FMN1: variants seen among roughly 807,000 people sequenced by gnomAD.
The protein encoded by FMN1 is formin-1.
Under a neutral mutation model 132.4 loss-of-function variants are expected in FMN1, and 110 were observed. The observed-to-expected ratio is 0.83, with a 90% CI of 0.71 to 0.97. FMN1 has a LOEUF of 0.97. Ranked by LOEUF, FMN1 falls within the 50% of genes least tolerant of loss-of-function variation. The pLI is 0.00. For missense variants in FMN1, 1,792 were observed against 1,705.3 expected, an observed-to-expected ratio of 1.05 and a Z score of -0.90; for synonymous variants, 722 against 651.7, an observed-to-expected ratio of 1.11 and a Z score of -1.64.
intron 5 of FMN1, among the ~76,000 whole-genome samples, chr15:33,076,789 T>C (rs906351275): frequency 1.3e-5 from 2 of 152,210 alleles, no homozygotes; most frequent in Admixed American, 1.3e-4. Flanking sequence ...ATAACAGTTT[T>C]CTTTCCTACT....
intron 6 of FMN1, among the ~76,000 whole-genome samples, chr15:33,059,258 G>GTA (rs34298669): frequency 0.14 from 20,657 of 152,080 alleles, 1,607 homozygotes; most frequent in Middle Eastern, 0.23. Flanking sequence ...GTATTCCATT[G>GTA]TATATATATA....
At chr15:32,907,454 G>A (rs1165117018) in intron 12 of FMN1, among the ~76,000 whole-genome samples, 1 of 152,134 alleles carries the variant, frequency 6.6e-6, no homozygotes, top group East Asian at 1.9e-4. Flanking sequence ...CGGAGCTCAG[G>A]TGGTAATGCC....
intron 4 of FMN1, among the ~76,000 whole-genome samples, chr15:33,102,454 G>A (rs1466835424): frequency 6.6e-6 from 1 of 152,070 alleles, no homozygotes; most frequent in Admixed American, 6.6e-5. Flanking sequence ...TGTTCCATCA[G>A]GTAGAAGGTG....
intron 14 of FMN1, chr15:32,899,708 T>C (rs1034712394): frequency 1.7e-5 from 8 of 476,904 alleles, no homozygotes; most frequent in Non-Finnish European, 3.0e-5. Flanking sequence ...TCTCACTGAG[T>C]AGCAGTTCAA....
Position 33,153,613 on chromosome 15 carries a change from AG to A in FMN1, c.1301del (p.Pro434LeufsTer45), listed in dbSNP as rs1329981821. The stretch of plus-strand genomic sequence containing the variant: ...CAGGGAAGCCCAGTCTTTTCCCCTC[AG>A]GGGCTTCATCTAACTTCTCACTCTC... ...VIESEKLDEA[P>X]EGKRLGFPVH... is the part of the protein sequence containing the mutation. On this transcript the variant is annotated frameshift_variant, in exon 4 of 21. Transcript: ENST00000616417. LOFTEE classifies it high-confidence loss of function. The A allele has an allele frequency of 6.5e-7, 1 of 1,536,114 alleles. No homozygotes were observed. The highest frequency in any genetic ancestry group is 1.4e-5 in the African/African-American group (1 of 73,046).
intron 4 of FMN1, chr15:33,151,086 G>A (rs1964419786): frequency 1.1e-5 from 15 of 1,329,712 alleles, no homozygotes; most frequent in Non-Finnish European, 1.3e-5. Flanking sequence ...ACAGCGACAG[G>A]AAAGGGAAAA....
At chr15:32,928,101 C>A (rs185488420) in intron 9 of FMN1, among the ~76,000 whole-genome samples, 1 of 151,890 alleles carries the variant, frequency 6.6e-6, no homozygotes, top group African/African-American at 2.4e-5. Flanking sequence ...ATATTTTTTT[C>A]CTTTACCTGT....
intron 7 of FMN1, among the ~76,000 whole-genome samples, chr15:32,981,909 C>CTT (rs905247412): frequency 6.6e-6 from 1 of 152,078 alleles, no homozygotes; most frequent in Admixed American, 6.5e-5. Flanking sequence ...TAGACAGACC[C>CTT]TTTCACAATT....
At chr15:32,925,734 A>C (rs375875970) in intron 10 of FMN1, among the ~76,000 whole-genome samples, 2 of 152,288 alleles carry the variant, frequency 1.3e-5, no homozygotes, top group South Asian at 4.2e-4. Context: ...CTTTGAAGGA[A>C]GGATAATGGC....
chr15:32,988,049 G>GTTTTT lies in FMN1; in HGVS notation c.2224-18577_2224-18573dup, dbSNP rs10573409. The stretch of plus-strand genomic sequence containing the variant: ...TGACAGCTGGCAGCCTGTCTCTCCA[G>GTTTTT]TTTTTTTTTTTTTTTTTTTTTCTTT... On this transcript the variant is annotated intron_variant, in intron 7 of 20. Coordinates refer to ENST00000616417, the MANE Select transcript of FMN1 (RefSeq NM_001277313.2). 1.6e-3 allele frequency among the ~76,000 whole-genome samples: 194 copies of GTTTTT among 118,160 alleles called. 6 individuals carry two copies. The highest frequency in any genetic ancestry group is 9.2e-3 in the Middle Eastern group (2 of 218). The allele number at this position is 118,160 out of a possible 152,430, so 77.5% of individuals were successfully genotyped here. A position where few individuals can be genotyped will look rare whatever the true frequency, so the allele number is the denominator to read the frequency against.
chr15:33,123,476 A>C (rs543580755), intron 4 of FMN1, among the ~76,000 whole-genome samples: 11 of 152,208 alleles, frequency 7.2e-5, no homozygotes, highest in Non-Finnish European at 1.0e-4. Flanking sequence ...AGTTCCCCAA[A>C]GTAGTATCAT....
intron 16 of FMN1, among the ~76,000 whole-genome samples, chr15:32,883,620 A>G (rs509083): frequency 0.27 from 40,376 of 150,268 alleles, 6,094 homozygotes; most frequent in African/African-American, 0.42. Flanking sequence ...ACGTTACTAG[A>G]GATCCTGACT....
chr15:33,110,782 T>C (rs2039671835), intron 4 of FMN1, among the ~76,000 whole-genome samples: 1 of 150,198 alleles, frequency 6.7e-6, no homozygotes. Context: ...CCTTTAGCCA[T>C]TTTCTCTGTT....
chr15:32,804,851 T>C (rs1213736461), intron 17 of FMN1, among the ~76,000 whole-genome samples: 3 of 152,232 alleles, frequency 2.0e-5, no homozygotes, highest in East Asian at 3.8e-4. Context: ...TACCCTTTTT[T>C]ATGACTGCAT....
chr15:33,017,315 AG>A (rs148618613), intron 6 of FMN1, among the ~76,000 whole-genome samples: 3,157 of 152,242 alleles, frequency 0.021, 107 homozygotes, highest in African/African-American at 0.072. Context: ...TGTGGACTTT[AG>A]TTAATAATAA....
At chr15:33,123,086 T>C (rs1272216458) in intron 4 of FMN1, among the ~76,000 whole-genome samples, 1 of 151,180 alleles carries the variant, frequency 6.6e-6, no homozygotes, top group Non-Finnish European at 1.5e-5. Flanking sequence ...AAAGCCCAAA[T>C]TGTAGAATCA....
intron 7 of FMN1, among the ~76,000 whole-genome samples, chr15:32,995,569 A>T (rs555737724): frequency 6.6e-6 from 1 of 152,326 alleles, no homozygotes; most frequent in East Asian, 1.9e-4. Context: ...AGCAATATGC[A>T]ACAAATGTTA....
chr15:32,962,550 C>T (rs1030979120), intron 9 of FMN1, among the ~76,000 whole-genome samples: 2 of 150,986 alleles, frequency 1.3e-5, no homozygotes, highest in African/African-American at 2.5e-5. Context: ...TTAGAGTGAA[C>T]AGGCAACCTA....
At chr15:32,973,523 T>C (rs1039037500) in intron 7 of FMN1, among the ~76,000 whole-genome samples, 2 of 152,080 alleles carry the variant, frequency 1.3e-5, no homozygotes, top group African/African-American at 2.4e-5. Flanking sequence ...GCTGCAATGA[T>C]AGTAAGAAAT....
Sources: allele counts gnomAD v4.1 joint callset (sites outside exome capture counted in the v4.1 genomes callset), GRCh38; gene constraint gnomAD v4.1.1; transcripts MANE v1.5; gene names NCBI Gene and HGNC (gene_info 2026-07-23, HGNC 2026-07-21).